The following FASTKD2 variants were observed in gnomAD, a reference collection of about 807,000 sequenced individuals.
FASTKD2 encodes the protein FAST kinase domain-containing protein 2, mitochondrial.
In FASTKD2, 51 loss-of-function variants were observed where a neutral mutation model predicts 63.6. The observed-to-expected ratio is 0.80, with a 90% confidence interval of 0.64 to 1.01. The LOEUF (loss-of-function observed/expected upper bound fraction) is 1.01. Among genes scored for constraint, FASTKD2 ranks in the 50% least tolerant of loss-of-function variants. The pLI, the probability that FASTKD2 is intolerant of heterozygous loss-of-function variation, is 0.00. For synonymous variants in FASTKD2, 284 were observed against 293.4 expected, an observed-to-expected ratio of 0.97 and a Z score of 0.33; for missense variants, 786 against 831.1, an observed-to-expected ratio of 0.95 and a Z score of 0.67.
intron 7 of FASTKD2, among the ~76,000 whole-genome samples, chr2:206,782,058 T>G (rs1427083673): frequency 2.6e-5 from 4 of 152,178 alleles, no homozygotes; most frequent in Admixed American, 1.3e-4. Context: ...CCCTTTTCCT[T>G]TGTTCTTAAC....
Position 206,787,974 on chromosome 2 carries a change from T to C in FASTKD2, c.1632T>C (p.Asp544=). 1.2e-6 allele frequency: 2 copies of C among 1,613,034 alleles called. No homozygotes were observed. The highest frequency in any genetic ancestry group is 1.7e-6 in the Non-Finnish European group (2 of 1,179,048). The change falls in exon 9 of 12, where the codon GAT becomes GAC. Residue 544 remains aspartate (D), a synonymous_variant. Coordinates refer to ENST00000402774, the MANE Select transcript of FASTKD2 (RefSeq NM_001136193.2). Reference sequence around the variant, plus strand: ...ATGCTTACAAGCTGCATACTTTGGATACTTGTCTAAAACTTGATGATACTG... The same window carrying C: ...ATGCTTACAAGCTGCATACTTTGGACACTTGTCTAAAACTTGATGATACTG... ...MKNAYKLHTL[D]TCLKLDDTVY...
intron 7 of FASTKD2, among the ~76,000 whole-genome samples, chr2:206,781,047 G>T (rs1002380955): frequency 1.5e-4 from 23 of 151,820 alleles, no homozygotes; most frequent in African/African-American, 4.8e-4. Flanking sequence ...GTTCTTATAA[G>T]ACAATTATTT....
chr2:206,795,362 T>C lies in FASTKD2; in HGVS notation c.*3560T>C, dbSNP rs1379415685. 2.6e-5 allele frequency among the ~76,000 whole-genome samples: 4 copies of C among 152,134 alleles called. No homozygotes were observed. Among genetic ancestry groups the C allele is most frequent in the African/African-American group, 9.7e-5 (4 of 41,422 alleles). On this transcript the variant is annotated 3_prime_UTR_variant, in exon 12 of 12. Coordinates refer to ENST00000402774, the MANE Select transcript of FASTKD2 (RefSeq NM_001136193.2). ...CATTCTCCTGCCTCAGCCTCCCGAG[T>C]AGCTGGGACTACAGGTGCCCACCTC...
intron 2 of FASTKD2, 25 bp downstream of exon 2, chr2:206,767,495 A>T (rs780098375): frequency 1.3e-6 from 2 of 1,575,060 alleles, no homozygotes; most frequent in Non-Finnish European, 1.7e-6. Context: ...AGATTTAAAC[A>T]TGCATTTACT....
rs756481715 is a variant in FASTKD2, at chr2:206,767,197, T to C, written c.504T>C (p.Asp168=). 1.2e-6 allele frequency: 2 copies of C among 1,614,234 alleles called. No individual in the cohort carries two copies. The highest frequency in any genetic ancestry group is 2.2e-5 in the East Asian group (1 of 44,876). ...KLSEECNSLS[D]VLDAFSKAPT... is the part of the protein sequence containing the mutation. ...CTGAGGAATGTAATTCCCTGAGTGA[T>C]GTGTTAGATGCATTTTCAAAAGCGC... Residue 168 remains aspartate (D), a synonymous_variant, in exon 2 of 12, where the codon GAT becomes GAC. Coordinates refer to ENST00000402774, the MANE Select transcript of FASTKD2 (RefSeq NM_001136193.2).
chr2:206,768,919 G>A (rs150380610), intron 2 of FASTKD2, among the ~76,000 whole-genome samples: 1 of 152,234 alleles, frequency 6.6e-6, no homozygotes, highest in Non-Finnish European at 1.5e-5. Context: ...CTGTTTATTT[G>A]TAGGCTGTGT....
rs376010134 is a variant in FASTKD2 at position 206,767,352 on chromosome 2, T to G, written c.659T>G (p.Met220Arg). ...HPAFNQLCEH[M>R]MREAKIMQYK... ...GCATTTAATCAGCTCTGTGAACATATGATGAGAGAAGCCAAGATCATGCAG... is the reference window on the plus strand; with the variant it reads ...GCATTTAATCAGCTCTGTGAACATAGGATGAGAGAAGCCAAGATCATGCAG... Residue 220 changes from methionine (M) to arginine (R), a missense_variant, in exon 2 of 12, where the codon ATG (methionine) becomes AGG (arginine). Transcript: ENST00000402774. 3.7e-6 allele frequency: 6 copies of G among 1,613,974 alleles called. No individual in the cohort carries two copies. Among genetic ancestry groups the G allele is most frequent in the African/African-American group, 2.7e-5 (2 of 74,926 alleles).
At position 206,790,673 on chromosome 2, in the gene FASTKD2, T is replaced by C; in HGVS notation, c.2000T>C (p.Phe667Ser). The C allele has an allele frequency of 6.3e-7, 1 of 1,599,014 alleles. No homozygotes were observed. The highest frequency in any genetic ancestry group is 8.6e-7 in the Non-Finnish European group (1 of 1,166,266). Residue 667 changes from phenylalanine (F) to serine (S), a missense_variant, in exon 11 of 12, where the codon TTT becomes TCT. Transcript: ENST00000402774. Reference sequence around the variant, plus strand: ...ATGCGGCATTTGAATGCAATGGGTTTTCATGTGATCTTGGTGAGAAAAAAA... The same window carrying C: ...ATGCGGCATTTGAATGCAATGGGTTCTCATGTGATCTTGGTGAGAAAAAAA... Reference protein sequence around the residue: ...MKMRHLNAMGFHVILVNNWEM... With the variant: ...MKMRHLNAMGSHVILVNNWEM...
intron 6 of FASTKD2, among the ~76,000 whole-genome samples, 197 bp from the exon 7 acceptor site, chr2:206,774,028 A>G (rs1204151766): frequency 6.6e-6 from 1 of 152,142 alleles, no homozygotes; most frequent in Non-Finnish European, 1.5e-5. Flanking sequence ...TATTAACTTG[A>G]TACCCAATTC....
At chr2:206,772,388 A>G in intron 6 of FASTKD2, 68 bp downstream of exon 6, 1 of 1,463,856 alleles carries the variant, frequency 6.8e-7, no homozygotes, top group Non-Finnish European at 9.5e-7. Flanking sequence ...TAGCATTTTA[A>G]GTATTTCTCT....
At position 206,791,352 on chromosome 2, in the gene FASTKD2, A is replaced by T. The variant is rs11901867; in HGVS notation, c.2014-331A>T. 2,712 of 298,028 alleles carry T rather than the reference A, an allele frequency of 9.1e-3. 77 individuals carry two copies. The highest frequency in any genetic ancestry group is 0.055 in the African/African-American group (2,466 of 45,174). 18.5% of individuals were successfully genotyped at this position (298,028 alleles called of 1,614,324 possible). On this transcript the variant is annotated intron_variant, in intron 11 of 11. Coordinates refer to ENST00000402774, the MANE Select transcript of FASTKD2 (RefSeq NM_001136193.2). ...AATGGATTACGTGTGGACTATTGAG[A>T]TTAAGATGACTCCTTTCTCTTAGTG...
In FASTKD2 at chr2:206,767,047, G is replaced by C; in HGVS notation, c.354G>C (p.Gln118His). 6.2e-7 allele frequency: 1 copy of C among 1,614,068 alleles called. No individual in the cohort carries two copies. Among genetic ancestry groups the C allele is most frequent in the Non-Finnish European group, 8.5e-7 (1 of 1,179,946 alleles). Residue 118 changes from glutamine (Q) to histidine (H), a missense_variant, in exon 2 of 12, where the codon CAG becomes CAC. Coordinates refer to ENST00000402774, the MANE Select transcript of FASTKD2 (RefSeq NM_001136193.2). Reference sequence around the variant, plus strand: ...AAAGACTGTTTTTTGACTCAAAGCAGTCTCTTGTCCCTGTTGATAAATCTG... The same window carrying C: ...AAAGACTGTTTTTTGACTCAAAGCACTCTCTTGTCCCTGTTGATAAATCTG... The part of the protein sequence containing the change: ...YAKRLFFDSK[Q>H]SLVPVDKSDD...
intron 10 of FASTKD2, chr2:206,790,243 TATACTC>T (rs1267568066): frequency 1.1e-5 from 3 of 285,514 alleles, no homozygotes; most frequent in Non-Finnish European, 1.4e-5. Context: ...AATAAATAAT[TATACTC>T]AGATCAGAAA....
At chr2:206,784,395 G>A (rs535910315) in intron 7 of FASTKD2, among the ~76,000 whole-genome samples, 1 of 152,360 alleles carries the variant, frequency 6.6e-6, no homozygotes, top group African/African-American at 2.4e-5. Flanking sequence ...AGATAGGAGA[G>A]TGGTAGGAAT....
In FASTKD2 at chr2:206,774,410, T is replaced by A. The variant is rs751164074; in HGVS notation, c.1427+13T>A. On this transcript the variant is annotated intron_variant, in intron 7 of 11. Transcript: ENST00000402774. ...GCCAGAACAAAGAGTATGTACTTGT[T>A]TTTTTTTACCTTTTTTATTGCCATA... The A allele has an allele frequency of 6.4e-7, 1 of 1,552,226 alleles. No homozygotes were observed. Among genetic ancestry groups the A allele is most frequent in the East Asian group, 2.2e-5 (1 of 44,474 alleles).
In FASTKD2 at chr2:206,766,628, A is replaced by T. The variant is rs1409779851; in HGVS notation, c.-50-16A>T. The T allele has an allele frequency of 3.1e-6, 4 of 1,306,138 alleles. No homozygotes were observed. Among genetic ancestry groups the T allele is most frequent in the Non-Finnish European group, 4.4e-6 (4 of 903,158 alleles). The allele number at this position is 1,306,138 out of a possible 1,614,324, so 80.9% of individuals were successfully genotyped here. Reference sequence around the variant, plus strand: ...TGTTTTAATTTTTATTCTTTTCATTACTTCTTCCCCTACAGGAAAACGACA... The same window carrying T: ...TGTTTTAATTTTTATTCTTTTCATTTCTTCTTCCCCTACAGGAAAACGACA... On this transcript the variant is annotated splice_polypyrimidine_tract_variant and intron_variant, in intron 1 of 11. Transcript: ENST00000402774.
Position 206,786,864 on chromosome 2 carries a change from T to G in FASTKD2, c.1559T>G (p.Leu520Arg), listed in dbSNP as rs533213706. 2.4e-5 allele frequency: 38 copies of G among 1,610,358 alleles called. No homozygotes were observed. In the South Asian group the frequency reaches 4.1e-4, roughly 17 times the overall value. The change falls in exon 8 of 12, where the codon CTG becomes CGG. Residue 520 changes from leucine (L) to arginine (R), a missense_variant. Physicochemically the swap from Leu to Arg is moderately radical, Grantham distance 102. Transcript: ENST00000402774. The stretch of plus-strand genomic sequence containing the variant: ...CCCCTGGCTCCTTTTAATCAGCTTC[T>G]GCAAAAAGACATCATCAGTGAGCTG... The part of the protein sequence containing the change: ...YFPLAPFNQL[L>R]QKDIISELLT...
At chr2:206,767,586 T>G in intron 2 of FASTKD2, 116 bp downstream of exon 2, 1 of 807,196 alleles carries the variant, frequency 1.2e-6, no homozygotes, top group Non-Finnish European at 2.0e-6. Flanking sequence ...AATGGTAGTT[T>G]CCTTTATATT....
rs528534626 is a variant in FASTKD2 at position 206,775,351 on chromosome 2, G to T, written c.1427+954G>T. On this transcript the variant is annotated intron_variant, in intron 7 of 11. Transcript: ENST00000402774. The stretch of plus-strand genomic sequence containing the variant: ...AATGCCTTTTTTTTTTTTAGCATCA[G>T]TTGAAATGATCATATGGTTTTTATC... Among the ~76,000 whole-genome samples the T allele has an allele frequency of 6.5e-4, 98 of 150,282 alleles. 1 individual carries two copies. Among genetic ancestry groups the T allele is most frequent in the East Asian group, 6.5e-3 (33 of 5,102 alleles).
Sources: allele counts gnomAD v4.1 joint callset (sites outside exome capture counted in the v4.1 genomes callset), GRCh38; gene constraint gnomAD v4.1.1; transcripts MANE v1.5; gene names NCBI Gene and HGNC (gene_info 2026-07-23, HGNC 2026-07-21).